The following TMEM158 variants were observed in gnomAD, a reference collection of about 807,000 sequenced individuals.
The protein encoded by TMEM158 is transmembrane protein 158.
TMEM158 carries 7 observed loss-of-function variants against 12.0 expected under a neutral mutation model. That is an observed-to-expected ratio of 0.59 (90% CI 0.33 to 1.10). The LOEUF (loss-of-function observed/expected upper bound fraction) is 1.10. Ranked by LOEUF, TMEM158 falls within the 50% of genes least tolerant of loss-of-function variation. The probability of loss-of-function intolerance (pLI) is 0.03; values close to 1 mark genes in which losing one functional copy is unlikely to be tolerated. For synonymous variants in TMEM158, 209 were observed against 231.1 expected, an observed-to-expected ratio of 0.90 and a Z score of 0.87; for missense variants, 405 against 454.7, an observed-to-expected ratio of 0.89 and a Z score of 0.99.
At position 45,224,470 on chromosome 3, in the gene TMEM158, G is replaced by A. The variant is rs1324205693; in HGVS notation, c.*655C>T. 1.3e-5 allele frequency: 2 copies of A among 152,586 alleles called. No individual in the cohort carries two copies. The highest frequency in any genetic ancestry group is 4.8e-5 in the African/African-American group (2 of 41,432). The allele number at this position is 152,586 out of a possible 1,614,324, so 9.5% of individuals were successfully genotyped here. On this transcript the variant is annotated 3_prime_UTR_variant, in exon 1 of 1. Coordinates refer to ENST00000503771, the MANE Select transcript of TMEM158 (RefSeq NM_015444.3). Reference sequence around the variant, plus strand: ...AAAAAGCTACATACACATCTCTGGAGGAAAATGTCTGTATTAAAAGCCAAA... The same window carrying A: ...AAAAAGCTACATACACATCTCTGGAAGAAAATGTCTGTATTAAAAGCCAAA...
Position 45,225,671 on chromosome 3 carries a change from G to A in TMEM158, c.357C>T (p.Arg119=). Residue 119 remains arginine (R), a synonymous_variant, in exon 1 of 1, where the codon CGC becomes CGT. Coordinates refer to ENST00000503771, the MANE Select transcript of TMEM158 (RefSeq NM_015444.3). The surrounding 1 kb of genome is among the most constrained non-coding windows in gnomAD (Gnocchi z 5.7). ...GCTCGATGAGCAGCGGCGGCCCGAC[G>A]CGGTGGAAGGCGGCGGCGAAGAAAG... ...GRAFFAAAFH[R]VGPPLLIEHL... 1.4e-6 allele frequency: 2 copies of A among 1,454,150 alleles called. No individual in the cohort carries two copies. Among genetic ancestry groups the A allele is most frequent in the Non-Finnish European group, 1.8e-6 (2 of 1,100,650 alleles). 90.1% of individuals were successfully genotyped at this position (1,454,150 alleles called of 1,614,324 possible).
Position 45,225,226 on chromosome 3 carries a change from C to T in TMEM158, c.802G>A (p.Ala268Thr). The T allele has an allele frequency of 7.6e-7, 1 of 1,310,252 alleles. No homozygotes were observed. The highest frequency in any genetic ancestry group is 3.1e-5 in the East Asian group (1 of 32,260). The allele number at this position is 1,310,252 out of a possible 1,614,324, so 81.2% of individuals were successfully genotyped here. A position where few individuals can be genotyped will look rare whatever the true frequency, so the allele number is the denominator to read the frequency against. ...QRRTTASTTA[A>T]TPAAVPAGTT... The stretch of plus-strand genomic sequence containing the variant: ...CCTGCGGGCACTGCGGCGGGGGTGG[C>T]TGCGGTGGTGCTGGCGGTGGTCCGG... Residue 268 changes from alanine to threonine, a missense_variant, in exon 1 of 1, where the codon GCC becomes ACC. Ala to Thr is a moderately conservative substitution (Grantham distance 58). Coordinates refer to ENST00000503771, the MANE Select transcript of TMEM158 (RefSeq NM_015444.3). This position sits in a 1 kb window ranked among gnomAD's most constrained non-coding sequence, Gnocchi z 5.7.
chr3:45,225,388 GC>G lies in TMEM158; in HGVS notation c.639del (p.Trp213CysfsTer3). On this transcript the variant is annotated frameshift_variant, in exon 1 of 1. Transcript: ENST00000503771. LOFTEE classifies it high-confidence loss of function. The surrounding 1 kb of genome is among the most constrained non-coding windows in gnomAD (Gnocchi z 5.7). Reference sequence around the variant, plus strand: ...GACTCAATGGGCTTACGGTTCAGCCGCCAGCCCGGCTCGCCCTGCAGCTCCT... The same window carrying G: ...GACTCAATGGGCTTACGGTTCAGCCGCAGCCCGGCTCGCCCTGCAGCTCCT... ...SLEELQGEPG[W>X]RLNRKPIEST... The G allele has an allele frequency of 6.7e-7, 1 of 1,500,260 alleles. No homozygotes were observed. Among genetic ancestry groups the G allele is most frequent in the African/African-American group, 1.4e-5 (1 of 70,032 alleles). 92.9% of individuals were successfully genotyped at this position (1,500,260 alleles called of 1,614,324 possible).
Position 45,225,036 on chromosome 3 carries a change from T to C in TMEM158, c.*89A>G. On this transcript the variant is annotated 3_prime_UTR_variant, in exon 1 of 1. Coordinates refer to ENST00000503771, the MANE Select transcript of TMEM158 (RefSeq NM_015444.3). This position sits in a 1 kb window ranked among gnomAD's most constrained non-coding sequence, Gnocchi z 5.7. ...CTCGGGAAGAGGAACTAACGATAAC[T>C]ACAGCACGAAGCACACCGGCCGAGT... 18 of 1,207,154 alleles carry C rather than the reference T, an allele frequency of 1.5e-5. No homozygotes were observed. Among genetic ancestry groups the C allele is most frequent in the Non-Finnish European group, 1.6e-5 (16 of 973,070 alleles). The allele number at this position is 1,207,154 out of a possible 1,614,324, so 74.8% of individuals were successfully genotyped here. A position where few individuals can be genotyped will look rare whatever the true frequency, so the allele number is the denominator to read the frequency against.
chr3:45,225,468 G>T lies in TMEM158; in HGVS notation c.560C>A (p.Pro187Gln). ...PAYPAAEPPG[P>Q]LWLQGEPLHF... The stretch of plus-strand genomic sequence containing the variant: ...CAGCGGCTCGCCCTGCAGCCACAGC[G>T]GCCCGGGCGGCTCGGCCGCGGGGTA... Residue 187 changes from proline (P) to glutamine (Q), a missense_variant, in exon 1 of 1, where the codon CCG becomes CAG. Coordinates refer to ENST00000503771, the MANE Select transcript of TMEM158 (RefSeq NM_015444.3). This position sits in a 1 kb window ranked among gnomAD's most constrained non-coding sequence, Gnocchi z 5.7. 7.6e-7 allele frequency: 1 copy of T among 1,308,450 alleles called. No homozygotes were observed. The highest frequency in any genetic ancestry group is 9.9e-7 in the Non-Finnish European group (1 of 1,009,676). 81.1% of individuals were successfully genotyped at this position (1,308,450 alleles called of 1,614,324 possible).
In TMEM158 at chr3:45,225,280, C is replaced by T; in HGVS notation, c.748G>A (p.Gly250Ser). 6.9e-6 allele frequency: 10 copies of T among 1,441,236 alleles called. No individual in the cohort carries two copies. The highest frequency in any genetic ancestry group is 9.2e-6 in the Non-Finnish European group (10 of 1,084,992). The allele number at this position is 1,441,236 out of a possible 1,614,324, so 89.3% of individuals were successfully genotyped here. The change falls in exon 1 of 1, where the codon GGC (glycine) becomes AGC (serine). Residue 250 changes from glycine to serine, a missense_variant. By Grantham distance (56) the Gly-to-Ser change is moderately conservative. Transcript: ENST00000503771. This position sits in a 1 kb window ranked among gnomAD's most constrained non-coding sequence, Gnocchi z 5.7. The stretch of plus-strand genomic sequence containing the variant: ...TGTTCCATGCCGTTGGGCAGGAAGC[C>T]GGCGATGATGGGCACCGGCCAGATG... The part of the protein sequence containing the change: ...ALIWPVPIIA[G>S]FLPNGMEQRR...
chr3:45,225,550 C>A lies in TMEM158; in HGVS notation c.478G>T (p.Ala160Ser). 9.7e-7 allele frequency: 1 copy of A among 1,031,946 alleles called. No homozygotes were observed. The allele number at this position is 1,031,946 out of a possible 1,614,324, so 63.9% of individuals were successfully genotyped here. A position where few individuals can be genotyped will look rare whatever the true frequency, so the allele number is the denominator to read the frequency against. ...GCGGCGGCGGCGCTGGGGGCGGCGG[C>A]GGGCCGGAGGCGGCCGGTGCGGCGA... ...RGRRTGRLRP[A>S]AAPSAAAATA... is the part of the protein sequence containing the mutation. The change falls in exon 1 of 1, where the codon GCC (alanine) becomes TCC (serine). Residue 160 changes from alanine to serine, a missense_variant. Ala to Ser is a moderately conservative substitution (Grantham distance 99). Coordinates refer to ENST00000503771, the MANE Select transcript of TMEM158 (RefSeq NM_015444.3). The surrounding 1 kb of genome is among the most constrained non-coding windows in gnomAD (Gnocchi z 5.7).
In TMEM158 at chr3:45,225,802, T is replaced by C; in HGVS notation, c.226A>G (p.Ile76Val). 1 of 1,381,250 alleles carries C rather than the reference T, an allele frequency of 7.2e-7. No homozygotes were observed. Among genetic ancestry groups the C allele is most frequent in the South Asian group, 1.5e-5 (1 of 66,708 alleles). The allele number at this position is 1,381,250 out of a possible 1,614,324, so 85.6% of individuals were successfully genotyped here. ...EAAAAAAPCNISVQRQMLSSL... is the reference protein window; with the variant it reads ...EAAAAAAPCNVSVQRQMLSSL... ...CTCAGCATCTGCCGCTGCACGCTGA[T>C]GTTGCACGGCGCCGCCGCCGCCGCC... Residue 76 changes from isoleucine to valine, a missense_variant, in exon 1 of 1, where the codon ATC becomes GTC. Ile to Val is a conservative substitution (Grantham distance 29). Transcript: ENST00000503771. This position sits in a 1 kb window ranked among gnomAD's most constrained non-coding sequence, Gnocchi z 5.7.
In TMEM158 at chr3:45,225,936, ACCCCGAGGAGGCCGGGCGCGTCCGCGG is replaced by A. The variant is rs1020379819; in HGVS notation, c.65_91del (p.Ala22_Gly30del). On this transcript the variant is annotated inframe_deletion, in exon 1 of 1. Transcript: ENST00000503771. This position sits in a 1 kb window ranked among gnomAD's most constrained non-coding sequence, Gnocchi z 5.7. Reference sequence around the variant, plus strand: ...CGCGTTGACTGAAGCATTGGAGGGCACCCCGAGGAGGCCGGGCGCGTCCGCGGCCCCGCCGCGGACGGGCGGCAGCGG... The same window carrying A: ...CGCGTTGACTGAAGCATTGGAGGGCACCCCGCCGCGGACGGGCGGCAGCGG... 12 of 1,139,146 alleles carry A rather than the reference ACCCCGAGGAGGCCGGGCGCGTCCGCGG, an allele frequency of 1.1e-5. No homozygotes were observed. Among genetic ancestry groups the A allele is most frequent in the Non-Finnish European group, 1.3e-5 (12 of 934,040 alleles). 70.6% of individuals were successfully genotyped at this position (1,139,146 alleles called of 1,614,324 possible).
In TMEM158 at chr3:45,224,903, G is replaced by T; in HGVS notation, c.*222C>A. ...CATTTCCCTCCTCTCCGTCTTCGGAGCTGCGATCCCACCCTCAGTCCAAGG... is the reference window on the plus strand; with the variant it reads ...CATTTCCCTCCTCTCCGTCTTCGGATCTGCGATCCCACCCTCAGTCCAAGG... On this transcript the variant is annotated 3_prime_UTR_variant, in exon 1 of 1. Coordinates refer to ENST00000503771, the MANE Select transcript of TMEM158 (RefSeq NM_015444.3). The T allele has an allele frequency of 1.4e-6, 1 of 728,754 alleles. No homozygotes were observed. Among genetic ancestry groups the T allele is most frequent in the Non-Finnish European group, 1.8e-6 (1 of 542,560 alleles). 45.1% of individuals were successfully genotyped at this position (728,754 alleles called of 1,614,324 possible).
Position 45,225,821 on chromosome 3 carries a change from C to T in TMEM158, c.207G>A (p.Ala69=), listed in dbSNP as rs1252955546. ...CGCTGATGTTGCACGGCGCCGCCGC[C>T]GCCGCCGCCTCCTCCGGGCCCGGGC... ...PERPGPEEAA[A]AAAPCNISVQ... Residue 69 remains alanine (A), a synonymous_variant, in exon 1 of 1, where the codon GCG becomes GCA. Transcript: ENST00000503771. The surrounding 1 kb of genome is among the most constrained non-coding windows in gnomAD (Gnocchi z 5.7). 2 of 1,296,242 alleles carry T rather than the reference C, an allele frequency of 1.5e-6. No homozygotes were observed. Among genetic ancestry groups the T allele is most frequent in the Non-Finnish European group, 2.0e-6 (2 of 1,020,852 alleles). 80.3% of individuals were successfully genotyped at this position (1,296,242 alleles called of 1,614,324 possible). A position where few individuals can be genotyped will look rare whatever the true frequency, so the allele number is the denominator to read the frequency against.
At position 45,225,264 on chromosome 3, in the gene TMEM158, C is replaced by A. The variant is rs1700145301; in HGVS notation, c.764G>T (p.Gly255Val). The change falls in exon 1 of 1, where the codon GGC (glycine) becomes GTC (valine). Residue 255 changes from glycine to valine, a missense_variant. Transcript: ENST00000503771. The surrounding 1 kb of genome is among the most constrained non-coding windows in gnomAD (Gnocchi z 5.7). ...GGCGGTGGTCCGGCGCTGTTCCATG[C>A]CGTTGGGCAGGAAGCCGGCGATGAT... is the stretch of plus-strand genomic sequence containing the variant. ...VPIIAGFLPN[G>V]MEQRRTTAST... 1.4e-6 allele frequency: 2 copies of A among 1,419,648 alleles called. No individual in the cohort carries two copies. Among genetic ancestry groups the A allele is most frequent in the Admixed American group, 2.4e-5 (1 of 41,126 alleles). 87.9% of individuals were successfully genotyped at this position (1,419,648 alleles called of 1,614,324 possible). A position where few individuals can be genotyped will look rare whatever the true frequency, so the allele number is the denominator to read the frequency against.
chr3:45,225,109 G>T lies in TMEM158; in HGVS notation c.*16C>A. 1.6e-6 allele frequency: 2 copies of T among 1,248,294 alleles called. No individual in the cohort carries two copies. Among genetic ancestry groups the T allele is most frequent in the Non-Finnish European group, 2.0e-6 (2 of 1,001,630 alleles). 77.3% of individuals were successfully genotyped at this position (1,248,294 alleles called of 1,614,324 possible). ...GCGCGCGGACACAGGACGGACACAG[G>T]GAGGAGCGGAGCGGGTCACTTGGTC... On this transcript the variant is annotated 3_prime_UTR_variant, in exon 1 of 1. Coordinates refer to ENST00000503771, the MANE Select transcript of TMEM158 (RefSeq NM_015444.3). The surrounding 1 kb of genome is among the most constrained non-coding windows in gnomAD (Gnocchi z 5.7).
At position 45,225,686 on chromosome 3, in the gene TMEM158, G is replaced by A. The variant is rs1431861711; in HGVS notation, c.342C>T (p.Ala114=). ...GCGGCCCGACGCGGTGGAAGGCGGC[G>A]GCGAAGAAAGCGCGGCCGTGCGCGT... ...STNAHGRAFF[A]AAFHRVGPPL... is the part of the protein sequence containing the mutation. Residue 114 remains alanine, a synonymous_variant, in exon 1 of 1, where the codon GCC becomes GCT. Coordinates refer to ENST00000503771, the MANE Select transcript of TMEM158 (RefSeq NM_015444.3). The surrounding 1 kb of genome is among the most constrained non-coding windows in gnomAD (Gnocchi z 5.7). 2 of 1,460,102 alleles carry A rather than the reference G, an allele frequency of 1.4e-6. No homozygotes were observed. Among genetic ancestry groups the A allele is most frequent in the Non-Finnish European group, 1.8e-6 (2 of 1,103,526 alleles). The allele number at this position is 1,460,102 out of a possible 1,614,324, so 90.4% of individuals were successfully genotyped here.
chr3:45,225,836 CGGGCCCGGGCGCTCGGG>C lies in TMEM158; in HGVS notation c.175_191del (p.Pro59GlyfsTer154), dbSNP rs1700153997. The C allele has an allele frequency of 2.4e-6, 3 of 1,251,314 alleles. No homozygotes were observed. The highest frequency in any genetic ancestry group is 2.7e-5 in the South Asian group (1 of 36,888). 77.5% of individuals were successfully genotyped at this position (1,251,314 alleles called of 1,614,324 possible). A position where few individuals can be genotyped will look rare whatever the true frequency, so the allele number is the denominator to read the frequency against. On this transcript the variant is annotated frameshift_variant, in exon 1 of 1. Transcript: ENST00000503771. LOFTEE classifies it high-confidence loss of function. The surrounding 1 kb of genome is among the most constrained non-coding windows in gnomAD (Gnocchi z 5.7). ...GCGCCGCCGCCGCCGCCGCCTCCTC[CGGGCCCGGGCGCTCGGG>C]GGGCCCGGGGGCCGCCGAGGCCAGC...
In TMEM158 at chr3:45,225,350, G is replaced by T; in HGVS notation, c.678C>A (p.Ala226=). 1 of 1,528,236 alleles carries T rather than the reference G, an allele frequency of 6.5e-7. No individual in the cohort carries two copies. The highest frequency in any genetic ancestry group is 8.8e-7 in the Non-Finnish European group (1 of 1,135,614). 94.7% of individuals were successfully genotyped at this position (1,528,236 alleles called of 1,614,324 possible). A position where few individuals can be genotyped will look rare whatever the true frequency, so the allele number is the denominator to read the frequency against. ...CCACGATGACCAGGGTCATGAAGCA[G>T]GCCACCAGCGTGGACTCAATGGGCT... The part of the protein sequence containing the change: ...NRKPIESTLV[A]CFMTLVIVVW... The change falls in exon 1 of 1, where the codon GCC becomes GCA. Residue 226 remains alanine (A), a synonymous_variant. Transcript: ENST00000503771. The surrounding 1 kb of genome is among the most constrained non-coding windows in gnomAD (Gnocchi z 5.7).
rs987885844 is a variant in TMEM158, at chr3:45,226,191, G to A, written c.-164C>T. On this transcript the variant is annotated 5_prime_UTR_variant, in exon 1 of 1. Transcript: ENST00000503771. ...GCAGGGGCGGCGCGGAGGCGGTGAC[G>A]GCGGCTGGCTCGGCGCGGGGATCCC... The A allele has an allele frequency of 3.3e-6, 3 of 912,202 alleles. No individual in the cohort carries two copies. The highest frequency in any genetic ancestry group is 2.6e-6 in the Non-Finnish European group (2 of 764,872). 56.5% of individuals were successfully genotyped at this position (912,202 alleles called of 1,614,324 possible).
chr3:45,225,366 T>C lies in TMEM158; in HGVS notation c.662A>G (p.Glu221Gly). ...PGWRLNRKPIESTLVACFMTL... is the reference protein window; with the variant it reads ...PGWRLNRKPIGSTLVACFMTL... ...CATGAAGCAGGCCACCAGCGTGGACTCAATGGGCTTACGGTTCAGCCGCCA... is the reference window on the plus strand; with the variant it reads ...CATGAAGCAGGCCACCAGCGTGGACCCAATGGGCTTACGGTTCAGCCGCCA... Residue 221 changes from glutamate to glycine, a missense_variant, in exon 1 of 1, where the codon GAG becomes GGG. Coordinates refer to ENST00000503771, the MANE Select transcript of TMEM158 (RefSeq NM_015444.3). This position sits in a 1 kb window ranked among gnomAD's most constrained non-coding sequence, Gnocchi z 5.7. The C allele has an allele frequency of 6.6e-7, 1 of 1,524,036 alleles. No individual in the cohort carries two copies. The highest frequency in any genetic ancestry group is 8.8e-7 in the Non-Finnish European group (1 of 1,133,104). The allele number at this position is 1,524,036 out of a possible 1,614,324, so 94.4% of individuals were successfully genotyped here. A position where few individuals can be genotyped will look rare whatever the true frequency, so the allele number is the denominator to read the frequency against.
rs1700142055 is a variant in TMEM158, at chr3:45,225,068, C to T, written c.*57G>A. 2 of 1,226,416 alleles carry T rather than the reference C, an allele frequency of 1.6e-6. No individual in the cohort carries two copies. The highest frequency in any genetic ancestry group is 1.0e-6 in the Non-Finnish European group (1 of 985,594). The allele number at this position is 1,226,416 out of a possible 1,614,324, so 76.0% of individuals were successfully genotyped here. On this transcript the variant is annotated 3_prime_UTR_variant, in exon 1 of 1. Coordinates refer to ENST00000503771, the MANE Select transcript of TMEM158 (RefSeq NM_015444.3). This position sits in a 1 kb window ranked among gnomAD's most constrained non-coding sequence, Gnocchi z 5.7. ...CGAAGCACACCGGCCGAGTCTCCGG[C>T]GGGAAAGGCACCCGCGCGCGCGGAC...
Sources: gnomAD v4.1 joint callset for allele counts on GRCh38, gnomAD v4.1.1 for gene constraint, Gnocchi (gnomAD v3.1) non-coding constraint, MANE v1.5 for transcripts, NCBI Gene and HGNC (gene_info 2026-07-23, HGNC 2026-07-21) for gene names.